CATSPERE: variants seen among roughly 807,000 people sequenced by gnomAD.
CATSPERE encodes the protein catsper channel auxiliary subunit epsilon.
CATSPERE carries 93 observed loss-of-function variants against 114.1 expected under a neutral mutation model. The ratio of observed to expected loss-of-function variants is 0.81; its 90% CI spans 0.69 to 0.97. The LOEUF is 0.97. CATSPERE is among the 50% of genes least tolerant of loss of function. The pLI, the probability that CATSPERE is intolerant of heterozygous loss-of-function variation, is 0.00. For synonymous variants in CATSPERE, 341 were observed against 384.1 expected, an observed-to-expected ratio of 0.89 and a Z score of 1.31; for missense variants, 1,058 against 1,131.6, an observed-to-expected ratio of 0.93 and a Z score of 0.93.
intron 8 of CATSPERE, among the ~76,000 whole-genome samples, chr1:244,525,272 A>T (rs1391157023): frequency 2.1e-5 from 3 of 145,044 alleles, no homozygotes; most frequent in African/African-American, 7.8e-5. Flanking sequence ...TCTCACTCAT[A>T]GGTGGGAATT....
intron 2 of CATSPERE, among the ~76,000 whole-genome samples, chr1:244,472,585 T>C (rs1668672613): frequency 6.6e-6 from 1 of 152,236 alleles, no homozygotes; most frequent in African/African-American, 2.4e-5. Context: ...CTTGCATTAG[T>C]GTGCTACATT....
At chr1:244,617,766 A>G in intron 20 of CATSPERE, 80 bp downstream of exon 20, 1 of 1,158,494 alleles carries the variant, frequency 8.6e-7, no homozygotes, top group Non-Finnish European at 1.2e-6. Flanking sequence ...CATCCTATAC[A>G]TTCAATCATT....
intron 1 of CATSPERE, among the ~76,000 whole-genome samples, chr1:244,462,681 A>G (rs57767416): frequency 6.6e-6 from 1 of 152,206 alleles, no homozygotes; most frequent in African/African-American, 2.4e-5. Flanking sequence ...ATTTATAGGT[A>G]TATGTAAAAT....
intron 20 of CATSPERE, among the ~76,000 whole-genome samples, chr1:244,631,228 TG>T (rs1448642420): frequency 1.3e-5 from 2 of 152,120 alleles, no homozygotes; most frequent in East Asian, 3.9e-4. Flanking sequence ...AGGAGGCTGA[TG>T]GGGAGGATCA....
At chr1:244,526,661 T>C (rs1678667298) in intron 8 of CATSPERE, among the ~76,000 whole-genome samples, 1 of 151,146 alleles carries the variant, frequency 6.6e-6, no homozygotes. Context: ...TTTTTTTTTT[T>C]TTTTTTAGAC....
intron 8 of CATSPERE, among the ~76,000 whole-genome samples, chr1:244,525,470 C>G (rs1678422040): frequency 6.8e-6 from 1 of 146,224 alleles, no homozygotes; most frequent in South Asian, 2.1e-4. Context: ...GCACATGTAC[C>G]CTAAAACTTA....
intron 7 of CATSPERE, among the ~76,000 whole-genome samples, chr1:244,499,873 C>T (rs1470778755): frequency 1.3e-5 from 2 of 152,094 alleles, no homozygotes; most frequent in African/African-American, 4.8e-5. Flanking sequence ...AATGGGATTG[C>T]TGGGTCAAAT....
Position 244,484,781 on chromosome 1 carries a change from T to A in CATSPERE, c.326+4997T>A, listed in dbSNP as rs550164523. On this transcript the variant is annotated intron_variant, in intron 5 of 21. Transcript: ENST00000366534. Reference sequence around the variant, plus strand: ...AGACATGTTTTCTCATATTACCTTCTCTTCCTGAAGTATATCCTTTAACGG... The same window carrying A: ...AGACATGTTTTCTCATATTACCTTCACTTCCTGAAGTATATCCTTTAACGG... 1.2e-3 allele frequency among the ~76,000 whole-genome samples: 181 copies of A among 152,352 alleles called. 1 individual carries two copies. The highest frequency in any genetic ancestry group is 4.1e-3 in the African/African-American group (171 of 41,586).
At chr1:244,509,533 TTTG>T (rs747219047) in intron 7 of CATSPERE, among the ~76,000 whole-genome samples, 5 of 152,056 alleles carry the variant, frequency 3.3e-5, no homozygotes, top group East Asian at 1.9e-4. Context: ...TGGCCTGTAG[TTTG>T]TTGTTGTTGT....
rs1286241541 is a variant in CATSPERE, at chr1:244,528,787, A to ACACACGCG, written c.536+10094_536+10095insGCGCACAC. 3.8e-4 allele frequency among the ~76,000 whole-genome samples: 49 copies of ACACACGCG among 129,886 alleles called. 1 individual carries two copies. The highest frequency in any genetic ancestry group is 1.3e-3 in the African/African-American group (44 of 35,138). 85.2% of individuals were successfully genotyped at this position (129,886 alleles called of 152,430 possible). A position where few individuals can be genotyped will look rare whatever the true frequency, so the allele number is the denominator to read the frequency against. ...CTCTCCCCCACAACAATCCCCCACC[A>ACACACGCG]CACACACACACACACACACACACAC... On this transcript the variant is annotated intron_variant, in intron 8 of 21. Transcript: ENST00000366534.
chr1:244,487,330 G>A (rs139441795), intron 5 of CATSPERE, among the ~76,000 whole-genome samples: 12 of 152,132 alleles, frequency 7.9e-5, no homozygotes, highest in East Asian at 5.8e-4. Flanking sequence ...CCCACCAGCC[G>A]CCATATTTCC....
intron 20 of CATSPERE, among the ~76,000 whole-genome samples, chr1:244,632,259 T>C (rs1443016313): frequency 1.3e-5 from 2 of 151,654 alleles, no homozygotes; most frequent in East Asian, 3.9e-4. Context: ...CCGGGCATGG[T>C]GGTGTGCGCC....
At chr1:244,472,986 C>T (rs1485943956) in intron 2 of CATSPERE, among the ~76,000 whole-genome samples, 7 of 152,168 alleles carry the variant, frequency 4.6e-5, no homozygotes, top group Non-Finnish European at 1.0e-4. Flanking sequence ...GAGTAATACT[C>T]TATTGTCTGG....
chr1:244,451,902 A>G (rs972841692), upstream of CATSPERE: 3 of 1,343,616 alleles, frequency 2.2e-6, no homozygotes, highest in Non-Finnish European at 2.9e-6. This position sits in a 1 kb window ranked among gnomAD's most constrained non-coding sequence, Gnocchi z 6.6. Context: ...CGCCAGCCAC[A>G]TGCAGAGGAA....
At chr1:244,509,794 TATA>T (rs1302601846) in intron 7 of CATSPERE, among the ~76,000 whole-genome samples, 1 of 152,232 alleles carries the variant, frequency 6.6e-6, no homozygotes, top group Admixed American at 6.5e-5. Flanking sequence ...TTCTTCCTGG[TATA>T]ATCATGGTAG....
At chr1:244,562,507 CACTT>C (rs1209605029) in intron 10 of CATSPERE, among the ~76,000 whole-genome samples, 2 of 152,126 alleles carry the variant, frequency 1.3e-5, no homozygotes, top group Non-Finnish European at 2.9e-5. Context: ...AAATCCTTCT[CACTT>C]ACCCACCAGC....
intron 8 of CATSPERE, among the ~76,000 whole-genome samples, chr1:244,538,831 T>C (rs777310940): frequency 2.0e-5 from 3 of 152,272 alleles, no homozygotes; most frequent in South Asian, 2.1e-4. Flanking sequence ...CTAGACCACC[T>C]GGGATCAGTT....
At chr1:244,572,296 C>T (rs1304176831) in intron 10 of CATSPERE, 34 bp from the exon 11 acceptor site, 17 of 1,058,874 alleles carry the variant, frequency 1.6e-5, no homozygotes, top group Non-Finnish European at 2.3e-5. Flanking sequence ...TTTATGGTTA[C>T]TTAGACTAAC....
intron 8 of CATSPERE, among the ~76,000 whole-genome samples, chr1:244,530,911 T>C (rs1386334584): frequency 6.6e-6 from 1 of 152,140 alleles, no homozygotes; most frequent in Non-Finnish European, 1.5e-5. Context: ...AGTTTTTTGA[T>C]AGAGACTTTA....
Sources: gnomAD v4.1 joint callset for allele counts (sites outside exome capture counted in the v4.1 genomes callset) on GRCh38, gnomAD v4.1.1 for gene constraint, Gnocchi (gnomAD v3.1) non-coding constraint, MANE v1.5 for transcripts, NCBI Gene and HGNC (gene_info 2026-07-23, HGNC 2026-07-21) for gene names.